The following PPP3R1 variants were observed in gnomAD, a reference collection of about 807,000 sequenced individuals.
PPP3R1 encodes protein phosphatase 3 regulatory subunit B, alpha, also known as calcineurin subunit B type 1.
Under a neutral mutation model 22.6 loss-of-function variants are expected in PPP3R1, and 5 were observed. That is an observed-to-expected ratio of 0.22 (90% CI 0.12 to 0.46). The LOEUF is 0.46. PPP3R1 is among the 20% of genes least tolerant of loss of function. The probability of loss-of-function intolerance (pLI) is 0.99; values close to 1 mark genes in which losing one functional copy is unlikely to be tolerated. For synonymous variants in PPP3R1, 56 were observed against 65.2 expected, an observed-to-expected ratio of 0.86 and a Z score of 0.68; for missense variants, 61 against 203.2, an observed-to-expected ratio of 0.30 and a Z score of 4.25.
chr2:68,235,262 C>T lies in PPP3R1; in HGVS notation c.3+16863G>A, dbSNP rs116263019. On this transcript the variant is annotated intron_variant, in intron 1 of 5. Coordinates refer to ENST00000234310, the MANE Select transcript of PPP3R1 (RefSeq NM_000945.4). The stretch of plus-strand genomic sequence containing the variant: ...CAAACCATCCATCTAAAGTATACAA[C>T]TCAATGGTTTTAGTACATTCAAACC... Among the ~76,000 whole-genome samples the T allele has an allele frequency of 8.5e-3, 1,289 of 152,230 alleles. 5 individuals carry two copies. Among genetic ancestry groups the T allele is most frequent in the Middle Eastern group, 0.02 (6 of 294 alleles).
At chr2:68,221,164 CTACAAAAAA>C (rs1450924949) in intron 1 of PPP3R1, among the ~76,000 whole-genome samples, 1 of 152,078 alleles carries the variant, frequency 6.6e-6, no homozygotes, top group African/African-American at 2.4e-5. Flanking sequence ...AAATCTGTCT[CTACAAAAAA>C]TACAAAAATT....
chr2:68,181,374 C>G lies in PPP3R1; in HGVS notation c.466-364G>C, dbSNP rs920093533. ...CGCCACTGCACTCCAGACTGGGCAA[C>G]AGAGCGAGACTCCATCTCAAAAAAA... On this transcript the variant is annotated intron_variant, in intron 5 of 5. Transcript: ENST00000234310. Among the ~76,000 whole-genome samples, 8 of 139,558 alleles carry G rather than the reference C, an allele frequency of 5.7e-5. No individual in the cohort carries two copies. In the South Asian group the frequency reaches 1.8e-3, roughly 31 times the overall value. 91.6% of individuals were successfully genotyped at this position (139,558 alleles called of 152,430 possible).
intron 2 of PPP3R1, among the ~76,000 whole-genome samples, chr2:68,202,455 C>T (rs1417619153): frequency 1.3e-5 from 2 of 151,598 alleles, no homozygotes; most frequent in Non-Finnish European, 2.9e-5. Context: ...GATGGAGTCT[C>T]GCTCTGTCTC....
At chr2:68,225,722 C>G (rs1490996989) in intron 1 of PPP3R1, among the ~76,000 whole-genome samples, 1 of 152,234 alleles carries the variant, frequency 6.6e-6, no homozygotes, top group Non-Finnish European at 1.5e-5. Flanking sequence ...AATAAAAACA[C>G]TGACATACCA....
intron 1 of PPP3R1, among the ~76,000 whole-genome samples, chr2:68,232,147 GTA>G (rs374617152): frequency 0.38 from 22,527 of 59,764 alleles, 4,056 homozygotes; most frequent in South Asian, 0.57. Context: ...ACATATATAT[GTA>G]TATATATATA....
At chr2:68,224,358 C>G (rs781393303) in intron 1 of PPP3R1, among the ~76,000 whole-genome samples, 12 of 152,082 alleles carry the variant, frequency 7.9e-5, no homozygotes, top group Non-Finnish European at 2.9e-5. Flanking sequence ...TTAACAATAT[C>G]TGACTTAAAG....
chr2:68,205,210 C>T (rs1467602962), intron 2 of PPP3R1, among the ~76,000 whole-genome samples: 2 of 150,192 alleles, frequency 1.3e-5, no homozygotes, highest in African/African-American at 2.4e-5. Context: ...AAATCCCAGA[C>T]ATATCATTTC....
chr2:68,224,031 A>G (rs1572969321), intron 1 of PPP3R1, among the ~76,000 whole-genome samples: 1 of 152,308 alleles, frequency 6.6e-6, no homozygotes, highest in Admixed American at 6.5e-5. Flanking sequence ...ATGCAGTTCC[A>G]TTTACAAAAT....
Position 68,241,303 on chromosome 2 carries a change from ATTG to A in PPP3R1, c.3+10819_3+10821del, listed in dbSNP as rs546510845. Among the ~76,000 whole-genome samples the A allele has an allele frequency of 3.3e-3, 506 of 152,220 alleles. 1 individual carries two copies. Among genetic ancestry groups the A allele is most frequent in the Admixed American group, 7.1e-3 (109 of 15,288 alleles). On this transcript the variant is annotated intron_variant, in intron 1 of 5. Transcript: ENST00000234310. The stretch of plus-strand genomic sequence containing the variant: ...TAAATTTTTATTTGTATTATTTTTC[ATTG>A]TTATTTTTTATTTTTTTTCCCCAAG...
At chr2:68,213,597 A>G (rs987840011) in intron 2 of PPP3R1, among the ~76,000 whole-genome samples, 12 of 152,228 alleles carry the variant, frequency 7.9e-5, no homozygotes, top group African/African-American at 2.7e-4. Context: ...GAATTACCAA[A>G]ATGTGACACA....
At chr2:68,182,207 G>T (rs187581338) in intron 5 of PPP3R1, among the ~76,000 whole-genome samples, 1 of 151,826 alleles carries the variant, frequency 6.6e-6, no homozygotes, top group East Asian at 1.9e-4. Context: ...GTTGTTATGT[G>T]TATTTGTTAT....
At chr2:68,205,710 A>G (rs973593023) in intron 2 of PPP3R1, among the ~76,000 whole-genome samples, 3 of 152,230 alleles carry the variant, frequency 2.0e-5, no homozygotes, top group Admixed American at 1.3e-4. Flanking sequence ...ATGTGTTGAT[A>G]AAATGAAGAT....
chr2:68,197,906 TTTC>T (rs946981693), intron 2 of PPP3R1, among the ~76,000 whole-genome samples: 20 of 151,770 alleles, frequency 1.3e-4, no homozygotes, highest in Non-Finnish European at 2.5e-4. Context: ...TTTCTCCTGT[TTTC>T]TTCTAGATGT....
At chr2:68,186,426 C>A in intron 5 of PPP3R1, 42 bp downstream of exon 5, 1 of 1,522,916 alleles carries the variant, frequency 6.6e-7, no homozygotes, top group Non-Finnish European at 8.9e-7. Flanking sequence ...AAATATGTTG[C>A]TGAAACATAA....
chr2:68,188,790 TA>T (rs545812272), intron 2 of PPP3R1, 100 bp from the exon 3 acceptor site: 166 of 1,004,906 alleles, frequency 1.7e-4, no homozygotes, highest in South Asian at 7.8e-4. Flanking sequence ...TTAATAGTTA[TA>T]GGGGGGAAAA....
chr2:68,251,986 C>T (rs1364816101), intron 1 of PPP3R1, 139 bp downstream of exon 1: 2 of 906,956 alleles, frequency 2.2e-6, no homozygotes, highest in Non-Finnish European at 2.8e-6. Context: ...CCGCAACCGC[C>T]GCGGGACCCG....
At chr2:68,224,619 A>G (rs559953308) in intron 1 of PPP3R1, among the ~76,000 whole-genome samples, 56 of 151,594 alleles carry the variant, frequency 3.7e-4, no homozygotes, top group African/African-American at 1.4e-3. Context: ...AGCTGAAATC[A>G]CGCCACTGCA....
chr2:68,190,772 C>A (rs1251450868), intron 2 of PPP3R1, among the ~76,000 whole-genome samples: 1 of 152,144 alleles, frequency 6.6e-6, no homozygotes, highest in African/African-American at 2.4e-5. Flanking sequence ...CTCACCCCCA[C>A]AACTATTAAT....
At chr2:68,189,476 A>G (rs1339595289) in intron 2 of PPP3R1, among the ~76,000 whole-genome samples, 2 of 152,236 alleles carry the variant, frequency 1.3e-5, no homozygotes, top group African/African-American at 4.8e-5. Flanking sequence ...ATTTTCTTCT[A>G]AATTACATCA....
Sources: gnomAD v4.1 joint callset for allele counts (sites outside exome capture counted in the v4.1 genomes callset) on GRCh38, gnomAD v4.1.1 for gene constraint, MANE v1.5 for transcripts, NCBI Gene and HGNC (gene_info 2026-07-23, HGNC 2026-07-21) for gene names.